Variants in UNC5C observed in about 807,000 individuals in gnomAD.
UNC5C encodes unc-5 netrin receptor C.
A neutral mutation model predicts 99.8 loss-of-function variants in UNC5C; 47 were observed. The ratio of observed to expected loss-of-function variants is 0.47; its 90% CI spans 0.37 to 0.60. The LOEUF (loss-of-function observed/expected upper bound fraction) is 0.60. UNC5C is among the 20% of genes least tolerant of loss of function. UNC5C has a pLI of 0.00. For synonymous variants in UNC5C, 487 were observed against 452.2 expected (o/e 1.08, Z -0.98); for missense variants, 1,062 against 1,165.9 (o/e 0.91, Z 1.30).
intron 1 of UNC5C, among the ~76,000 whole-genome samples, chr4:95,433,798 A>G (rs1205644520): frequency 6.6e-6 from 1 of 152,098 alleles, no homozygotes; most frequent in Non-Finnish European, 1.5e-5. Context: ...ACCAAGTATG[A>G]TCTGGCTCCA....
chr4:95,419,416 T>A (rs1672698602), intron 1 of UNC5C, among the ~76,000 whole-genome samples: 1 of 152,232 alleles, frequency 6.6e-6, no homozygotes, highest in Admixed American at 6.5e-5. Flanking sequence ...AAATTTACTT[T>A]CTGTTAAACC....
At chr4:95,296,222 C>T (rs1741666697) in intron 3 of UNC5C, among the ~76,000 whole-genome samples, 1 of 152,176 alleles carries the variant, frequency 6.6e-6, no homozygotes, top group African/African-American at 2.4e-5. Context: ...TGATGCATAT[C>T]TTTATGAGTC....
In UNC5C at chr4:95,479,975, A is replaced by C. The variant is rs145835237; in HGVS notation, c.124+68759T>G. On this transcript the variant is annotated intron_variant, in intron 1 of 15. Transcript: ENST00000453304. ...CAGAAAATTCTGTCTCTTTCCTGGA[A>C]TGTCTTTGAGCTGGGACATTAGTTC... is the stretch of plus-strand genomic sequence containing the variant. Among the ~76,000 whole-genome samples, 1,126 of 151,784 alleles carry C rather than the reference A, an allele frequency of 7.4e-3. 26 individuals are homozygous for C. Among genetic ancestry groups the C allele is most frequent in the African/African-American group, 0.026 (1,059 of 41,392 alleles).
At chr4:95,189,648 G>A (rs1028048712) in intron 12 of UNC5C, among the ~76,000 whole-genome samples, 1 of 152,080 alleles carries the variant, frequency 6.6e-6, no homozygotes, top group Non-Finnish European at 1.5e-5. Flanking sequence ...TTACGAGAAA[G>A]AAACAAACAA....
intron 1 of UNC5C, among the ~76,000 whole-genome samples, chr4:95,456,195 A>G (rs1267556086): frequency 6.6e-6 from 1 of 152,154 alleles, no homozygotes; most frequent in Non-Finnish European, 1.5e-5. Context: ...GGAGGAACAC[A>G]CCACCGACTA....
chr4:95,419,281 T>C lies in UNC5C; in HGVS notation c.125-83650A>G, dbSNP rs544134450. 6.6e-5 allele frequency among the ~76,000 whole-genome samples: 10 copies of C among 152,234 alleles called. No individual in the cohort carries two copies. In the South Asian group the frequency reaches 2.1e-3, roughly 32 times the overall value. On this transcript the variant is annotated intron_variant, in intron 1 of 15. Transcript: ENST00000453304. The stretch of plus-strand genomic sequence containing the variant: ...GGTAACCCCATAATGTCAACATATA[T>C]GGAAAAAAGTAATTCTTAATGTTTA...
intron 3 of UNC5C, among the ~76,000 whole-genome samples, chr4:95,289,191 T>G (rs1001079421): frequency 6.6e-6 from 1 of 152,212 alleles, no homozygotes; most frequent in Non-Finnish European, 1.5e-5. Context: ...TGTACTCATT[T>G]ACATACCCAC....
chr4:95,429,104 T>G (rs1746561885), intron 1 of UNC5C, among the ~76,000 whole-genome samples: 1 of 152,124 alleles, frequency 6.6e-6, no homozygotes, highest in African/African-American at 2.4e-5. Context: ...CACTACTCAG[T>G]AGACCAAATG....
intron 1 of UNC5C, among the ~76,000 whole-genome samples, chr4:95,509,306 C>T (rs141551958): frequency 9.6e-4 from 146 of 151,782 alleles, no homozygotes; most frequent in African/African-American, 3.3e-3. Flanking sequence ...GAGTATAGTG[C>T]AATACAGACT....
At chr4:95,280,257 C>T (rs1279151661) in intron 3 of UNC5C, among the ~76,000 whole-genome samples, 3 of 152,130 alleles carry the variant, frequency 2.0e-5, no homozygotes, top group African/African-American at 7.2e-5. Context: ...GAAGAAAACC[C>T]TCAAGATTAT....
intron 2 of UNC5C, among the ~76,000 whole-genome samples, chr4:95,324,077 A>G (rs1336244151): frequency 6.6e-6 from 1 of 152,094 alleles, no homozygotes; most frequent in Non-Finnish European, 1.5e-5. Context: ...TTTTCCCACT[A>G]CAGACCTTTC....
chr4:95,535,812 G>A (rs895613596), intron 1 of UNC5C, among the ~76,000 whole-genome samples: 5 of 151,312 alleles, frequency 3.3e-5, no homozygotes, highest in East Asian at 1.9e-4. Flanking sequence ...ACGCACACAC[G>A]GGTGCACACA....
chr4:95,404,204 T>C (rs945634146), intron 1 of UNC5C, among the ~76,000 whole-genome samples: 5 of 152,196 alleles, frequency 3.3e-5, no homozygotes, highest in Admixed American at 6.6e-5. Flanking sequence ...TATCCCACAT[T>C]TCAGTTAGAT....
intron 1 of UNC5C, among the ~76,000 whole-genome samples, chr4:95,475,054 A>G (rs944437537): frequency 4.6e-5 from 7 of 152,114 alleles, no homozygotes; most frequent in African/African-American, 1.7e-4. Context: ...CCCACTTGCC[A>G]GAGCCTGCTA....
At chr4:95,489,724 G>A (rs1578191766) in intron 1 of UNC5C, among the ~76,000 whole-genome samples, 1 of 151,804 alleles carries the variant, frequency 6.6e-6, no homozygotes, top group East Asian at 2.0e-4. Flanking sequence ...GATAACTGGA[G>A]TACACAGTGA....
intron 1 of UNC5C, among the ~76,000 whole-genome samples, chr4:95,393,762 G>C (rs1745425834): frequency 6.6e-6 from 1 of 151,100 alleles, no homozygotes; most frequent in African/African-American, 2.4e-5. Flanking sequence ...GCCTACTGAT[G>C]TTTTATTACA....
chr4:95,398,500 T>A (rs1745591147), intron 1 of UNC5C, among the ~76,000 whole-genome samples: 1 of 152,170 alleles, frequency 6.6e-6, no homozygotes, highest in Non-Finnish European at 1.5e-5. Context: ...TAAGGAAAGT[T>A]CTACTGTAGC....
chr4:95,281,830 A>C (rs2149395599), intron 3 of UNC5C, among the ~76,000 whole-genome samples: 1 of 152,354 alleles, frequency 6.6e-6, no homozygotes, highest in East Asian at 1.9e-4. Flanking sequence ...CCTAAACCTC[A>C]ACCCTTTTAA....
Position 95,356,213 on chromosome 4 carries a change from C to CAAAA in UNC5C, c.125-20586_125-20583dup, listed in dbSNP as rs869165569. ...TGTAGCAAAAAAAAAAAAAAAAAAACAAAACAAAAAAAAAACAGATTCCTC... is the reference window on the plus strand; with the variant it reads ...TGTAGCAAAAAAAAAAAAAAAAAAACAAAAAAAACAAAAAAAAAACAGATTCCTC... On this transcript the variant is annotated intron_variant, in intron 1 of 15. Coordinates refer to ENST00000453304, the MANE Select transcript of UNC5C (RefSeq NM_003728.4). Among the ~76,000 whole-genome samples, 3 of 78,176 alleles carry CAAAA rather than the reference C, an allele frequency of 3.8e-5. No homozygotes were observed. In the Admixed American group the frequency reaches 4.3e-4, roughly 11 times the overall value. 51.3% of individuals were successfully genotyped at this position (78,176 alleles called of 152,430 possible). A position where few individuals can be genotyped will look rare whatever the true frequency, so the allele number is the denominator to read the frequency against.
Sources: allele counts gnomAD v4.1 joint callset (sites outside exome capture counted in the v4.1 genomes callset), GRCh38; gene constraint gnomAD v4.1.1; transcripts MANE v1.5; gene names NCBI Gene and HGNC (gene_info 2026-07-23, HGNC 2026-07-21).